Variants in ALPK3 observed in about 807,000 individuals in gnomAD.
ALPK3 encodes alpha kinase 3, also known as alpha-protein kinase 3.
A neutral mutation model predicts 140.0 loss-of-function variants in ALPK3; 102 were observed. That is an observed-to-expected ratio of 0.73 (90% confidence interval 0.62 to 0.86). ALPK3 has a LOEUF of 0.86. Among genes scored for constraint, ALPK3 ranks in the 40% least tolerant of loss-of-function variants. The probability of loss-of-function intolerance (pLI) is 0.00; values close to 1 mark genes in which losing one functional copy is unlikely to be tolerated. For missense variants in ALPK3, 2,254 were observed against 2,208.2 expected (o/e 1.02, Z -0.42); for synonymous variants, 938 against 898.5 (o/e 1.04, Z -0.79).
chr15:84,828,817 C>T (rs540913780), intron 3 of ALPK3, among the ~76,000 whole-genome samples: 2 of 152,292 alleles, frequency 1.3e-5, no homozygotes, highest in South Asian at 2.1e-4. Context: ...GAGGCTGATG[C>T]GTTGCCAAAG....
At position 84,839,061 on chromosome 15, in the gene ALPK3, C is replaced by T. The variant is rs778089845; in HGVS notation, c.386C>T (p.Thr129Ile). The change falls in exon 4 of 14, where the codon ACT (threonine) becomes ATT (isoleucine). Residue 129 changes from threonine (T) to isoleucine (I), a missense_variant. Physicochemically the swap from Thr to Ile is moderately conservative, Grantham distance 89. Coordinates refer to ENST00000258888, the MANE Select transcript of ALPK3 (RefSeq NM_020778.5). Reference protein sequence around the residue: ...RYCGLPKYEITHQGNRHTLQL... With the variant: ...RYCGLPKYEIIHQGNRHTLQL... ...TGTGGCTTGCCAAAATATGAGATCACTCATCAGGGCAACCGCCACACACTG... is the reference window on the plus strand; with the variant it reads ...TGTGGCTTGCCAAAATATGAGATCATTCATCAGGGCAACCGCCACACACTG... The T allele has an allele frequency of 6.2e-7, 1 of 1,609,964 alleles. No homozygotes were observed. The highest frequency in any genetic ancestry group is 1.1e-5 in the South Asian group (1 of 90,560).
At chr15:84,837,312 G>A (rs999010372) in intron 3 of ALPK3, among the ~76,000 whole-genome samples, 6 of 152,206 alleles carry the variant, frequency 3.9e-5, no homozygotes, top group African/African-American at 9.7e-5. Context: ...ATGCAGGAGC[G>A]AGCAGGAATA....
rs750319871 is a variant in ALPK3, at chr15:84,864,513, G to A, written c.4571G>A (p.Gly1524Asp). ...IPYATLEEDLGKPLESYCSRE... is the reference protein window; with the variant it reads ...IPYATLEEDLDKPLESYCSRE... ...TATGCTACCCTGGAGGAAGACCTGG[G>A]CAAGCCCCTGGAGTCTTACTGTTCT... Residue 1524 changes from glycine (G) to aspartate (D), a missense_variant, in exon 12 of 14, where the codon GGC becomes GAC. Around this residue, in one of 3 missense-constraint regions of ALPK3, gnomAD observed 2,088 missense variants for 2,022.9 expected, o/e 1.03. Coordinates refer to ENST00000258888, the MANE Select transcript of ALPK3 (RefSeq NM_020778.5). 9 of 1,614,088 alleles carry A rather than the reference G, an allele frequency of 5.6e-6. No homozygotes were observed. The highest frequency in any genetic ancestry group is 1.3e-5 in the African/African-American group (1 of 74,918).
At chr15:84,832,341 T>G (rs530902974) in intron 3 of ALPK3, among the ~76,000 whole-genome samples, 1 of 152,356 alleles carries the variant, frequency 6.6e-6, no homozygotes, top group South Asian at 2.1e-4. Flanking sequence ...AAAATTTTGT[T>G]GCTCCTATTA....
rs773154866 is a variant in ALPK3, at chr15:84,839,926, T to C, written c.647T>C (p.Leu216Pro). The C allele has an allele frequency of 3.7e-6, 6 of 1,613,650 alleles. No homozygotes were observed. In the East Asian group the frequency reaches 1.3e-4, roughly 36 times the overall value. Reference sequence around the variant, plus strand: ...GGGGAGGTCGACACTCTGCGCAAGCTCAGCCCCGACCGCTTCCAGCGAAAG... The same window carrying C: ...GGGGAGGTCGACACTCTGCGCAAGCCCAGCCCCGACCGCTTCCAGCGAAAG... ...VPGEVDTLRK[L>P]SPDRFQRKRR... The change falls in exon 5 of 14, where the codon CTC (leucine) becomes CCC (proline). Residue 216 changes from leucine to proline, a missense_variant. Coordinates refer to ENST00000258888, the MANE Select transcript of ALPK3 (RefSeq NM_020778.5).
At chr15:84,835,797 G>A (rs1238305794) in intron 3 of ALPK3, among the ~76,000 whole-genome samples, 3 of 152,178 alleles carry the variant, frequency 2.0e-5, no homozygotes, top group Admixed American at 6.5e-5. Context: ...CCTAGCCAGA[G>A]GTGATTGCTC....
chr15:84,859,128 T>C (rs1963906325), intron 6 of ALPK3, 115 bp from the exon 7 acceptor site: 1 of 1,409,438 alleles, frequency 7.1e-7, no homozygotes, highest in Non-Finnish European at 9.7e-7. Flanking sequence ...GGTAGGTCTG[T>C]GTGGAGACTT....
intron 1 of ALPK3, among the ~76,000 whole-genome samples, 194 bp from the exon 2 acceptor site, chr15:84,823,136 G>A (rs1388358313): frequency 6.6e-6 from 1 of 152,188 alleles, no homozygotes; most frequent in Non-Finnish European, 1.5e-5. Flanking sequence ...ATGAGCTCTT[G>A]GTTTCAGATA....
intron 5 of ALPK3, among the ~76,000 whole-genome samples, chr15:84,851,957 C>T (rs899224399): frequency 1.3e-5 from 2 of 152,206 alleles, no homozygotes; most frequent in East Asian, 1.9e-4. Context: ...AGAGGCTGTG[C>T]GATGCCTGTA....
Position 84,824,565 on chromosome 15 carries a change from T to G in ALPK3, c.182+1197T>G, listed in dbSNP as rs150708995. On this transcript the variant is annotated intron_variant, in intron 2 of 13. Coordinates refer to ENST00000258888, the MANE Select transcript of ALPK3 (RefSeq NM_020778.5). ...CTATGTCCATGGTCCTTGATGGGGA[T>G]GAACACTGAGGAGACTTTGTTCTGT... Among the ~76,000 whole-genome samples the G allele has an allele frequency of 4.4e-3, 677 of 152,342 alleles. 1 individual carries two copies. The highest frequency in any genetic ancestry group is 0.01 in the Admixed American group (154 of 15,302).
intron 5 of ALPK3, 89 bp downstream of exon 5, chr15:84,841,021 A>C: frequency 6.9e-6 from 10 of 1,441,360 alleles, no homozygotes; most frequent in African/African-American, 1.4e-5. Flanking sequence ...GCCAGTGAGC[A>C]GTGGGCTATT....
At chr15:84,859,732 G>C (rs1162721199) in intron 7 of ALPK3, 44 bp from the exon 8 acceptor site, 1 of 1,578,710 alleles carries the variant, frequency 6.3e-7, no homozygotes, top group African/African-American at 1.3e-5. Context: ...ACCACAGTCT[G>C]CCCCCATGCC....
Position 84,864,624 on chromosome 15 carries a change from A to G in ALPK3, c.4682A>G (p.Tyr1561Cys), listed in dbSNP as rs752385946. The stretch of plus-strand genomic sequence containing the variant: ...TGCCAGACCTTCCAACACTGGCTGT[A>G]TCAGTGGACAAATGGCAGCTTCCTT... ...QKCQTFQHWL[Y>C]QWTNGSFLVT... is the part of the protein sequence containing the mutation. The change falls in exon 12 of 14, where the codon TAT becomes TGT. Residue 1561 changes from tyrosine (Y) to cysteine (C), a missense_variant. Transcript: ENST00000258888. 13 of 1,614,108 alleles carry G rather than the reference A, an allele frequency of 8.1e-6. No individual in the cohort carries two copies. The highest frequency in any genetic ancestry group is 5.0e-5 in the Admixed American group (3 of 60,002).
At chr15:84,838,336 T>C (rs1963617978) in intron 3 of ALPK3, among the ~76,000 whole-genome samples, 1 of 152,094 alleles carries the variant, frequency 6.6e-6, no homozygotes, top group Admixed American at 6.6e-5. Flanking sequence ...AATGGGCCAC[T>C]ATAGAAGGAA....
chr15:84,830,436 G>A (rs1201381599), intron 3 of ALPK3, among the ~76,000 whole-genome samples: 1 of 152,176 alleles, frequency 6.6e-6, no homozygotes, highest in African/African-American at 2.4e-5. Flanking sequence ...ATGGTGCAGA[G>A]GGCATAGTGA....
intron 5 of ALPK3, among the ~76,000 whole-genome samples, chr15:84,843,259 G>A (rs1963687122): frequency 6.6e-6 from 1 of 152,206 alleles, no homozygotes; most frequent in Non-Finnish European, 1.5e-5. Flanking sequence ...TTGAGGTTAG[G>A]AGTTTGAGAC....
Position 84,840,129 on chromosome 15 carries a change from A to AATGG in ALPK3, c.852_855dup (p.Glu286TrpfsTer14). 6.2e-7 allele frequency: 1 copy of AATGG among 1,614,020 alleles called. No homozygotes were observed. Among genetic ancestry groups the AATGG allele is most frequent in the Non-Finnish European group, 8.5e-7 (1 of 1,179,996 alleles). On this transcript the variant is annotated frameshift_variant, in exon 5 of 14. Coordinates refer to ENST00000258888, the MANE Select transcript of ALPK3 (RefSeq NM_020778.5). LOFTEE classifies it high-confidence loss of function. ...CACCAACGGGGAGGCTGCCCCCGAGAATGGAGAGGACGGAGAGCATGGCTT... is the reference window on the plus strand; with the variant it reads ...CACCAACGGGGAGGCTGCCCCCGAGAATGGATGGAGAGGACGGAGAGCATGGCTT...
At chr15:84,864,384 G>A in intron 11 of ALPK3, 58 bp from the exon 12 acceptor site, 1 of 1,531,762 alleles carries the variant, frequency 6.5e-7, no homozygotes, top group African/African-American at 1.4e-5. Context: ...AATTGGGTGG[G>A]AGGGAGGAGC....
rs1287657567 is a variant in ALPK3, at chr15:84,840,140, C to T, written c.861C>T (p.Asp287=). Residue 287 remains aspartate, a synonymous_variant, in exon 5 of 14, where the codon GAC becomes GAT. Transcript: ENST00000258888. ...NGEAAPENGE[D]GEHGLLTYIC... is the part of the protein sequence containing the mutation. ...AGGCTGCCCCCGAGAATGGAGAGGA[C>T]GGAGAGCATGGCTTGCTGACATACA... 2.7e-5 allele frequency: 44 copies of T among 1,613,666 alleles called. No individual in the cohort carries two copies. Among genetic ancestry groups the T allele is most frequent in the Non-Finnish European group, 3.5e-5 (41 of 1,179,928 alleles).
Sources: gnomAD v4.1 joint callset for allele counts (sites outside exome capture counted in the v4.1 genomes callset) on GRCh38, gnomAD v4.1.1 for gene constraint, gnomAD v4.1.1 regional missense constraint, MANE v1.5 for transcripts, NCBI Gene and HGNC (gene_info 2026-07-23, HGNC 2026-07-21) for gene names.